Variants in SMYD3 observed in about 807,000 individuals in gnomAD.
SMYD3 encodes the protein histone-lysine N-methyltransferase SMYD3.
In SMYD3, 36 loss-of-function variants were observed where a neutral mutation model predicts 57.7. That is an observed-to-expected ratio of 0.62 (90% confidence interval 0.48 to 0.82). The LOEUF is 0.82. SMYD3 is among the 40% of genes least tolerant of loss of function. The pLI is 0.00. For synonymous variants in SMYD3, 211 were observed against 195.0 expected (o/e 1.08, Z -0.68); for missense variants, 515 against 538.8 (o/e 0.96, Z 0.44).
intron 10 of SMYD3, among the ~76,000 whole-genome samples, chr1:245,806,339 T>C (rs536919451): frequency 3.3e-5 from 5 of 152,314 alleles, no homozygotes; most frequent in Admixed American, 2.6e-4. Context: ...GCCATCCATA[T>C]TGCTAGGATT....
At chr1:246,105,819 G>A (rs948409956) in intron 5 of SMYD3, among the ~76,000 whole-genome samples, 1 of 152,160 alleles carries the variant, frequency 6.6e-6, no homozygotes, top group Non-Finnish European at 1.5e-5. Context: ...ATGCCAACGT[G>A]CCTCCTGAAA....
intron 5 of SMYD3, among the ~76,000 whole-genome samples, chr1:246,117,986 G>A (rs2061368044): frequency 6.6e-6 from 1 of 152,038 alleles, no homozygotes; most frequent in African/African-American, 2.4e-5. Context: ...GGTCCTAGGA[G>A]GCAAAGACCA....
chr1:246,213,857 C>A (rs1344106788), intron 5 of SMYD3, among the ~76,000 whole-genome samples: 1 of 152,176 alleles, frequency 6.6e-6, no homozygotes, highest in Non-Finnish European at 1.5e-5. Flanking sequence ...GAACACAGTT[C>A]TTTCTCTTCC....
chr1:246,277,277 T>C (rs554077110), intron 5 of SMYD3, among the ~76,000 whole-genome samples: 8 of 152,104 alleles, frequency 5.3e-5, no homozygotes, highest in African/African-American at 1.9e-4. Flanking sequence ...CAACATCATT[T>C]ATCAAGGAAA....
intron 5 of SMYD3, among the ~76,000 whole-genome samples, chr1:245,984,145 G>A (rs1033651896): frequency 8.6e-5 from 13 of 151,778 alleles, no homozygotes; most frequent in Admixed American, 5.3e-4. Flanking sequence ...GATTACAGGC[G>A]CCTGCCACCA....
rs545454226 is a variant in SMYD3 at position 246,392,466 on chromosome 1, G to A, written c.165-37372C>T. On this transcript the variant is annotated intron_variant, in intron 1 of 11. Transcript: ENST00000490107. ...CCATTATGAAGGACTACTTTTGAGG[G>A]GGTTTTTAGACACAAGATCTCACTG... Among the ~76,000 whole-genome samples the A allele has an allele frequency of 7.9e-5, 12 of 152,078 alleles. No individual in the cohort carries two copies. The East Asian group carries it at 9.7e-4, about 12-fold the overall frequency.
At chr1:246,495,852 G>A (rs115379612) in intron 1 of SMYD3, among the ~76,000 whole-genome samples, 2,536 of 151,804 alleles carry the variant, frequency 0.017, 64 homozygotes, top group African/African-American at 0.058. Flanking sequence ...CTCAGAGGGC[G>A]GAGGTAGGCG....
At chr1:246,043,596 C>T (rs1406234540) in intron 5 of SMYD3, among the ~76,000 whole-genome samples, 2 of 152,188 alleles carry the variant, frequency 1.3e-5, no homozygotes, top group Non-Finnish European at 2.9e-5. Flanking sequence ...TCCTGCAGGG[C>T]ATAGGTTTCT....
intron 5 of SMYD3, chr1:246,326,803 T>G: frequency 7.9e-6 from 2 of 253,096 alleles, no homozygotes; most frequent in East Asian, 1.0e-4. Context: ...TTTCAATAAA[T>G]TTTTCATTTC....
chr1:245,767,702 G>A (rs2046173068), intron 10 of SMYD3, among the ~76,000 whole-genome samples: 1 of 152,216 alleles, frequency 6.6e-6, no homozygotes, highest in African/African-American at 2.4e-5. Context: ...CAGAGGAGGG[G>A]AGTGGGAAGG....
rs369021452 is a variant in SMYD3 at position 246,357,978 on chromosome 1, G to A, written c.165-2884C>T. Among the ~76,000 whole-genome samples the A allele has an allele frequency of 8.1e-4, 124 of 152,194 alleles. 2 individuals are homozygous for A. The South Asian group carries it at 0.025, about 31-fold the overall frequency. On this transcript the variant is annotated intron_variant, in intron 1 of 11. Coordinates refer to ENST00000490107, the MANE Select transcript of SMYD3 (RefSeq NM_001167740.2). Reference sequence around the variant, plus strand: ...TACCTCACATCTCAATACTAACATTGACTGTAAATGACCTAAATACTCCAC... The same window carrying A: ...TACCTCACATCTCAATACTAACATTAACTGTAAATGACCTAAATACTCCAC...
chr1:246,020,162 T>C (rs972017225), intron 5 of SMYD3, among the ~76,000 whole-genome samples: 1 of 152,218 alleles, frequency 6.6e-6, no homozygotes, highest in Non-Finnish European at 1.5e-5. Flanking sequence ...TCTGCCACCA[T>C]TGCACAAGAA....
chr1:245,951,370 C>A lies in SMYD3; in HGVS notation c.532-21433G>T, dbSNP rs1572772804. Among the ~76,000 whole-genome samples, 3 of 140,910 alleles carry A rather than the reference C, an allele frequency of 2.1e-5. No individual in the cohort carries two copies. In the East Asian group the frequency reaches 7.9e-4, roughly 37 times the overall value. The allele number at this position is 140,910 out of a possible 152,430, so 92.4% of individuals were successfully genotyped here. ...GGATCACGAGGTCAGGAGATCGAGA[C>A]CATCCTGGCTAACACGGTGAAACCC... is the stretch of plus-strand genomic sequence containing the variant. On this transcript the variant is annotated intron_variant, in intron 5 of 11. Coordinates refer to ENST00000490107, the MANE Select transcript of SMYD3 (RefSeq NM_001167740.2).
chr1:245,798,424 C>CATACACAACACA (rs1222464601), intron 10 of SMYD3, among the ~76,000 whole-genome samples: 1 of 5,680 alleles, frequency 1.8e-4, no homozygotes, highest in African/African-American at 1.2e-3. Flanking sequence ...ACATACACAC[C>CATACACAACACA]CCCACACACA....
chr1:246,133,672 A>G (rs79740913), intron 5 of SMYD3, among the ~76,000 whole-genome samples: 4,954 of 152,146 alleles, frequency 0.033, 279 homozygotes, highest in African/African-American at 0.11. Flanking sequence ...GCATCAGGAG[A>G]AACATCTTCT....
intron 5 of SMYD3, among the ~76,000 whole-genome samples, chr1:246,180,390 T>C (rs1301162714): frequency 2.8e-5 from 4 of 144,202 alleles, no homozygotes; most frequent in Non-Finnish European, 5.9e-5. Context: ...TATTCTATCT[T>C]ATACCTTCCA....
intron 10 of SMYD3, among the ~76,000 whole-genome samples, chr1:245,769,462 CG>C (rs1376056439): frequency 6.6e-6 from 1 of 152,110 alleles, no homozygotes; most frequent in Non-Finnish European, 1.5e-5. Flanking sequence ...ATCTGGGGTA[CG>C]GGAAATTCTA....
chr1:245,843,777 G>A (rs1302158935), intron 10 of SMYD3, among the ~76,000 whole-genome samples: 1 of 152,198 alleles, frequency 6.6e-6, no homozygotes, highest in Non-Finnish European at 1.5e-5. Flanking sequence ...GAGAGGCAGT[G>A]AGAATTGGAG....
intron 1 of SMYD3, among the ~76,000 whole-genome samples, chr1:246,461,058 TA>T (rs2067790004): frequency 6.6e-6 from 1 of 152,210 alleles, no homozygotes; most frequent in African/African-American, 2.4e-5. Flanking sequence ...ATTAAAGGCA[TA>T]AAATGACTCT....
Sources: gnomAD v4.1 joint callset for allele counts (sites outside exome capture counted in the v4.1 genomes callset) on GRCh38, gnomAD v4.1.1 for gene constraint, MANE v1.5 for transcripts, NCBI Gene and HGNC (gene_info 2026-07-23, HGNC 2026-07-21) for gene names.